The following DLG2 variants were observed in gnomAD, a reference collection of about 807,000 sequenced individuals.
The protein encoded by DLG2 is disks large homolog 2.
In DLG2, 45 loss-of-function variants were observed where a neutral mutation model predicts 132.5. The ratio of observed to expected loss-of-function variants is 0.34; its 90% CI spans 0.27 to 0.44. The LOEUF (loss-of-function observed/expected upper bound fraction) is 0.44, where lower values mean the gene tolerates loss of function less well. DLG2 is among the 20% of genes least tolerant of loss of function. The pLI is 1.00. For synonymous variants in DLG2, 424 were observed against 419.6 expected, an observed-to-expected ratio of 1.01 and a Z score of -0.13; for missense variants, 1,045 against 1,196.9, an observed-to-expected ratio of 0.87 and a Z score of 1.87.
intron 15 of DLG2, among the ~76,000 whole-genome samples, chr11:83,924,041 C>T (rs530376106): frequency 5.9e-5 from 9 of 152,188 alleles, no homozygotes; most frequent in Admixed American, 4.6e-4. Context: ...CATTGTGTGC[C>T]TTTATATAAC....
At chr11:83,506,871 G>A (rs1187327591) in intron 21 of DLG2, among the ~76,000 whole-genome samples, 3 of 152,084 alleles carry the variant, frequency 2.0e-5, no homozygotes, top group Non-Finnish European at 4.4e-5. Context: ...TTTCATTGCA[G>A]GTCAGCCACT....
intron 18 of DLG2, among the ~76,000 whole-genome samples, chr11:83,725,643 TGTTA>T (rs1463384963): frequency 2.0e-5 from 3 of 152,238 alleles, no homozygotes; most frequent in Non-Finnish European, 4.4e-5. Flanking sequence ...ATCAAGACTT[TGTTA>T]GTTAAAGCTT....
At chr11:84,971,739 G>A (rs539906682) in intron 6 of DLG2, among the ~76,000 whole-genome samples, 1 of 152,058 alleles carries the variant, frequency 6.6e-6, no homozygotes, top group Admixed American at 6.5e-5. Context: ...ATGACCTAGA[G>A]AAAACTTCAA....
At chr11:84,552,272 A>G (rs1409381041) in intron 6 of DLG2, among the ~76,000 whole-genome samples, 1 of 151,952 alleles carries the variant, frequency 6.6e-6, no homozygotes, top group Admixed American at 6.6e-5. Flanking sequence ...CTTTCCAAAC[A>G]TATCTCTTGC....
intron 6 of DLG2, among the ~76,000 whole-genome samples, chr11:84,734,069 C>A (rs527532718): frequency 6.6e-6 from 1 of 152,134 alleles, no homozygotes; most frequent in Non-Finnish European, 1.5e-5. Flanking sequence ...AGTCAGGTAG[C>A]ATGATGCCTC....
intron 19 of DLG2, among the ~76,000 whole-genome samples, chr11:83,630,760 A>T (rs749885894): frequency 6.6e-6 from 1 of 152,158 alleles, no homozygotes; most frequent in Non-Finnish European, 1.5e-5. Flanking sequence ...TAGCTGTGGG[A>T]TCACAGGCAA....
intron 6 of DLG2, among the ~76,000 whole-genome samples, chr11:84,812,721 G>C (rs1441317922): frequency 6.6e-6 from 1 of 152,110 alleles, no homozygotes; most frequent in Non-Finnish European, 1.5e-5. Context: ...ACTTTTAAAT[G>C]TCACAGCCTC....
intron 6 of DLG2, among the ~76,000 whole-genome samples, chr11:84,714,595 T>G (rs201389042): frequency 2.9e-5 from 3 of 103,918 alleles, no homozygotes; most frequent in African/African-American, 1.2e-4. Context: ...CTCTTTCTCT[T>G]TCTTTCTCTT....
At chr11:84,599,466 G>A (rs1276446023) in intron 6 of DLG2, among the ~76,000 whole-genome samples, 1 of 152,146 alleles carries the variant, frequency 6.6e-6, no homozygotes, top group East Asian at 1.9e-4. Flanking sequence ...TTTTTGTGAA[G>A]AGCTGAGCAG....
intron 6 of DLG2, among the ~76,000 whole-genome samples, chr11:84,642,117 AGTGTGTGTGTGTGTGTGT>A (rs139383928): frequency 7.2e-6 from 1 of 138,734 alleles, no homozygotes; most frequent in African/African-American, 2.7e-5. Flanking sequence ...GTATATGTAG[AGTGTGTGTGTGTGTGTGT>A]GTGTGTGTAT....
At chr11:84,605,235 T>G (rs1156507478) in intron 6 of DLG2, among the ~76,000 whole-genome samples, 1 of 152,006 alleles carries the variant, frequency 6.6e-6, no homozygotes, top group Admixed American at 6.6e-5. Flanking sequence ...CAGATTGTTA[T>G]GTATGATCAT....
At chr11:84,710,067 G>A (rs996132576) in intron 6 of DLG2, among the ~76,000 whole-genome samples, 1 of 151,916 alleles carries the variant, frequency 6.6e-6, no homozygotes, top group African/African-American at 2.4e-5. Context: ...TGAAGAGAGA[G>A]TGTCACATAG....
At chr11:85,376,020 C>T (rs2085376029) in intron 3 of DLG2, among the ~76,000 whole-genome samples, 1 of 152,096 alleles carries the variant, frequency 6.6e-6, no homozygotes, top group African/African-American at 2.4e-5. Flanking sequence ...TGTATATACT[C>T]CCAGTTAACA....
At chr11:85,047,116 C>T (rs1389269278) in intron 6 of DLG2, among the ~76,000 whole-genome samples, 1 of 151,784 alleles carries the variant, frequency 6.6e-6, no homozygotes, top group African/African-American at 2.4e-5. Context: ...ACACAATTTC[C>T]CTCCAAATCT....
intron 7 of DLG2, among the ~76,000 whole-genome samples, chr11:84,410,111 A>G (rs2098891672): frequency 6.6e-6 from 1 of 152,226 alleles, no homozygotes; most frequent in Non-Finnish European, 1.5e-5. Context: ...ATGGCTGAGC[A>G]TTCTCATATG....
chr11:84,514,446 T>A (rs2099266475), intron 7 of DLG2, among the ~76,000 whole-genome samples: 1 of 152,066 alleles, frequency 6.6e-6, no homozygotes, highest in Admixed American at 6.6e-5. Context: ...AACCTAAGTG[T>A]CCATCAACAC....
chr11:83,992,810 A>C (rs570885224), intron 11 of DLG2, among the ~76,000 whole-genome samples: 9 of 152,168 alleles, frequency 5.9e-5, no homozygotes, highest in Non-Finnish European at 1.2e-4. Flanking sequence ...ATAACAGGAC[A>C]CTAAAGAAGT....
At chr11:83,975,759 T>C (rs2514148) in intron 12 of DLG2, among the ~76,000 whole-genome samples, 26,743 of 151,908 alleles carry the variant, frequency 0.18, 2,918 homozygotes, top group East Asian at 0.31. Context: ...TGGAAAGACA[T>C]AGCTCTTTCA....
intron 19 of DLG2, among the ~76,000 whole-genome samples, chr11:83,581,116 A>G (rs1159628436): frequency 6.6e-6 from 1 of 151,896 alleles, no homozygotes; most frequent in Non-Finnish European, 1.5e-5. Flanking sequence ...GAAGAGGGTG[A>G]GTTCGAAGGC....
Sources: allele counts gnomAD v4.1 joint callset (sites outside exome capture counted in the v4.1 genomes callset), GRCh38; gene constraint gnomAD v4.1.1; transcripts MANE v1.5; gene names NCBI Gene and HGNC (gene_info 2026-07-23, HGNC 2026-07-21).